Variants in VIT observed in about 807,000 individuals in gnomAD.
VIT encodes vitrin.
VIT carries 99 observed loss-of-function variants against 78.0 expected under a neutral mutation model. The observed-to-expected ratio is 1.27, with a 90% CI of 1.08 to 1.50. The LOEUF is 1.50. Among genes scored for constraint, VIT ranks in the 40% most tolerant of loss-of-function variants. VIT has a pLI of 0.00. For missense variants in VIT, 1,126 were observed against 875.3 expected, an observed-to-expected ratio of 1.29 and a Z score of -3.61; for synonymous variants, 374 against 334.3, an observed-to-expected ratio of 1.12 and a Z score of -1.29.
chr2:36,706,466 T>C (rs1370798682), intron 1 of VIT, among the ~76,000 whole-genome samples: 2 of 152,144 alleles, frequency 1.3e-5, no homozygotes, highest in Admixed American at 6.6e-5. Context: ...AAATAGAACC[T>C]GGAAAGTGGT....
chr2:36,807,227 C>G (rs1016273529), intron 14 of VIT, among the ~76,000 whole-genome samples: 3 of 152,210 alleles, frequency 2.0e-5, no homozygotes, highest in Non-Finnish European at 4.4e-5. Context: ...TGGGTTCCCT[C>G]AGTCCTGTGG....
At chr2:36,759,076 C>A (rs1162104541) in intron 6 of VIT, 30 bp downstream of exon 6, 1 of 1,614,128 alleles carries the variant, frequency 6.2e-7, no homozygotes, top group Non-Finnish European at 8.5e-7. Context: ...TGAATCTAAA[C>A]CTTCTGAGTC....
intron 15 of VIT, among the ~76,000 whole-genome samples, chr2:36,809,640 ACTCCTG>A (rs1282362860): frequency 2.6e-5 from 4 of 151,996 alleles, no homozygotes; most frequent in Non-Finnish European, 5.9e-5. Context: ...ATGGTCTCGA[ACTCCTG>A]ACAGGTGATC....
At chr2:36,758,945 G>GTTTTTTTTT in intron 5 of VIT, 24 bp from the exon 6 acceptor site, 2 of 1,393,222 alleles carry the variant, frequency 1.4e-6, no homozygotes, top group Non-Finnish European at 9.8e-7. Context: ...AATAAATCTC[G>GTTTTTTTTT]TTTTTTTTTT....
chr2:36,761,302 A>G (rs1374072898), intron 6 of VIT, among the ~76,000 whole-genome samples: 2 of 152,106 alleles, frequency 1.3e-5, no homozygotes, highest in African/African-American at 2.4e-5. Flanking sequence ...AGCACCCTCT[A>G]AAAGGTGGCT....
At chr2:36,791,900 C>T (rs182182024) in intron 12 of VIT, among the ~76,000 whole-genome samples, 1 of 152,044 alleles carries the variant, frequency 6.6e-6, no homozygotes, top group Admixed American at 6.5e-5. Context: ...CAACTGGCAA[C>T]GAGGACCACT....
intron 12 of VIT, among the ~76,000 whole-genome samples, chr2:36,800,489 G>C (rs1218249729): frequency 1.3e-5 from 2 of 152,198 alleles, no homozygotes; most frequent in Non-Finnish European, 1.5e-5. Flanking sequence ...TTCTGACTGA[G>C]GCTCTTCTGG....
intron 4 of VIT, among the ~76,000 whole-genome samples, chr2:36,748,720 A>G (rs1278988240): frequency 6.6e-6 from 1 of 152,192 alleles, no homozygotes; most frequent in Non-Finnish European, 1.5e-5. Context: ...CTTCACTAAC[A>G]TCTTCGTCAG....
chr2:36,765,416 A>AGAGG, intron 6 of VIT, among the ~76,000 whole-genome samples: 1 of 132,348 alleles, frequency 7.6e-6, no homozygotes, highest in Non-Finnish European at 1.7e-5. Context: ...GCAGCAGGCG[A>AGAGG]GAGAGAGAGA....
chr2:36,759,143 A>G, intron 6 of VIT, 97 bp downstream of exon 6: 1 of 1,610,652 alleles, frequency 6.2e-7, no homozygotes, highest in Non-Finnish European at 8.5e-7. Flanking sequence ...TTAACCGGTC[A>G]AGCTCCACTG....
chr2:36,706,821 TTTTTA>T (rs1434248953), intron 1 of VIT, among the ~76,000 whole-genome samples: 3 of 152,202 alleles, frequency 2.0e-5, no homozygotes, highest in Non-Finnish European at 4.4e-5. Context: ...AAGAGTGGCA[TTTTTA>T]TTTTATTATA....
chr2:36,801,111 C>G (rs1010368095), intron 12 of VIT, among the ~76,000 whole-genome samples, 190 bp from the exon 13 acceptor site: 1 of 152,226 alleles, frequency 6.6e-6, no homozygotes, highest in African/African-American at 2.4e-5. Flanking sequence ...AGTCAACACA[C>G]GCCTTCTGAG....
intron 12 of VIT, among the ~76,000 whole-genome samples, chr2:36,797,154 G>T (rs1164607153): frequency 6.6e-6 from 1 of 150,618 alleles, no homozygotes; most frequent in Non-Finnish European, 1.5e-5. Flanking sequence ...ACTAGAGGAA[G>T]ATCCAGACTT....
intron 14 of VIT, among the ~76,000 whole-genome samples, chr2:36,807,387 C>G (rs559410684): frequency 2.0e-5 from 3 of 152,188 alleles, no homozygotes; most frequent in Admixed American, 6.5e-5. Context: ...AGCACCGCCT[C>G]TGTCTCCTGC....
intron 3 of VIT, among the ~76,000 whole-genome samples, chr2:36,739,688 A>T (rs908565730): frequency 7.2e-5 from 11 of 152,166 alleles, no homozygotes; most frequent in African/African-American, 2.7e-4. Context: ...TTCTGATACG[A>T]AAGTGAGAGC....
chr2:36,700,245 C>T (rs1664967408), intron 1 of VIT, among the ~76,000 whole-genome samples: 1 of 152,268 alleles, frequency 6.6e-6, no homozygotes, highest in South Asian at 2.1e-4. Context: ...GAGGCAACTT[C>T]TGTGATGGTC....
chr2:36,787,883 A>T (rs1333856976), intron 12 of VIT: 1 of 453,348 alleles, frequency 2.2e-6, no homozygotes, highest in Middle Eastern at 3.3e-4. Flanking sequence ...CACCTAGATG[A>T]CTTTCGCCAA....
chr2:36,781,624 T>C, intron 9 of VIT, 103 bp from the exon 10 acceptor site: 1 of 1,336,854 alleles, frequency 7.5e-7, no homozygotes, highest in Non-Finnish European at 1.1e-6. Flanking sequence ...TATTGAACTT[T>C]CAGACACAAT....
chr2:36,780,083 G>C (rs1269558856), intron 9 of VIT, among the ~76,000 whole-genome samples: 1 of 152,156 alleles, frequency 6.6e-6, no homozygotes, highest in African/African-American at 2.4e-5. Context: ...TTACTACTGA[G>C]TCCAAAAAAC....
Sources: gnomAD v4.1 joint callset for allele counts (sites outside exome capture counted in the v4.1 genomes callset) on GRCh38, gnomAD v4.1.1 for gene constraint, MANE v1.5 for transcripts, NCBI Gene and HGNC (gene_info 2026-07-23, HGNC 2026-07-21) for gene names.